SPIDR: variants seen among roughly 807,000 people sequenced by gnomAD.
SPIDR encodes the protein DNA repair-scaffolding protein.
SPIDR carries 93 observed loss-of-function variants against 104.6 expected under a neutral mutation model. The ratio of observed to expected loss-of-function variants is 0.89; its 90% CI spans 0.75 to 1.06. The LOEUF (loss-of-function observed/expected upper bound fraction) is 1.06. Among genes scored for constraint, SPIDR ranks in the 50% least tolerant of loss-of-function variants. The pLI, the probability that SPIDR is intolerant of heterozygous loss-of-function variation, is 0.00. For synonymous variants in SPIDR, 431 were observed against 416.9 expected (o/e 1.03, Z -0.41); for missense variants, 1,154 against 1,111.2 (o/e 1.04, Z -0.55).
intron 10 of SPIDR, among the ~76,000 whole-genome samples, chr8:47,647,871 T>C (rs73569205): frequency 0.018 from 2,758 of 152,132 alleles, 85 homozygotes; most frequent in African/African-American, 0.064. Context: ...GATCTGGTAC[T>C]TGAGGATGCA....
intron 5 of SPIDR, among the ~76,000 whole-genome samples, chr8:47,387,307 A>G (rs373863839): frequency 6.6e-6 from 1 of 152,234 alleles, no homozygotes; most frequent in South Asian, 2.1e-4. Context: ...GGGGCATTGA[A>G]TGGCATCCTA....
chr8:47,475,576 A>G (rs534784647), intron 8 of SPIDR, among the ~76,000 whole-genome samples: 1 of 152,356 alleles, frequency 6.6e-6, no homozygotes, highest in East Asian at 1.9e-4. Flanking sequence ...TCTTTAGGTA[A>G]TGGGTAGCCT....
chr8:47,627,169 A>T (rs1040771838), intron 10 of SPIDR, among the ~76,000 whole-genome samples: 1 of 152,198 alleles, frequency 6.6e-6, no homozygotes, highest in Non-Finnish European at 1.5e-5. Flanking sequence ...GTTCTCACTC[A>T]TAGGTGGGAA....
At chr8:47,472,844 G>T (rs1375796071) in intron 8 of SPIDR, among the ~76,000 whole-genome samples, 22 of 152,218 alleles carry the variant, frequency 1.4e-4, no homozygotes, top group Admixed American at 1.4e-3. Flanking sequence ...TGAATGGAAT[G>T]CTTCATATCT....
chr8:47,627,235 T>C (rs1588556997), intron 10 of SPIDR, among the ~76,000 whole-genome samples: 1 of 152,002 alleles, frequency 6.6e-6, no homozygotes, highest in East Asian at 1.9e-4. Context: ...CTGGGGACTG[T>C]TGTGGGGTGG....
At chr8:47,264,348 A>C (rs2033370663) in intron 1 of SPIDR, among the ~76,000 whole-genome samples, 1 of 152,142 alleles carries the variant, frequency 6.6e-6, no homozygotes. Flanking sequence ...TTTGCCTCTT[A>C]ACTGATGTTA....
At chr8:47,442,960 T>C (rs1001311252) in intron 8 of SPIDR, among the ~76,000 whole-genome samples, 1 of 152,172 alleles carries the variant, frequency 6.6e-6, no homozygotes, top group Admixed American at 6.5e-5. Context: ...ATTTATTAAA[T>C]GACCTTGTTT....
intron 10 of SPIDR, among the ~76,000 whole-genome samples, chr8:47,617,164 T>C (rs531736949): frequency 6.6e-6 from 1 of 152,346 alleles, no homozygotes; most frequent in South Asian, 2.1e-4. Flanking sequence ...GCATTAATCA[T>C]AGTTGCTGGC....
At chr8:47,536,480 T>C (rs1295178594) in intron 8 of SPIDR, among the ~76,000 whole-genome samples, 3 of 152,088 alleles carry the variant, frequency 2.0e-5, no homozygotes, top group Non-Finnish European at 4.4e-5. Context: ...ATAAATATAG[T>C]CAACTGATCT....
intron 10 of SPIDR, among the ~76,000 whole-genome samples, chr8:47,666,788 G>A (rs1444195433): frequency 1.3e-5 from 2 of 151,998 alleles, no homozygotes; most frequent in African/African-American, 4.8e-5. Flanking sequence ...TACAATGAAT[G>A]CAATAAGAGT....
rs184519193 is a variant in SPIDR, at chr8:47,624,711, C to T, written c.1544+25515C>T. 2.6e-3 allele frequency among the ~76,000 whole-genome samples: 401 copies of T among 152,266 alleles called. 7 individuals carry two copies. The highest frequency in any genetic ancestry group is 0.024 in the Admixed American group (369 of 15,282). On this transcript the variant is annotated intron_variant, in intron 10 of 19. Transcript: ENST00000297423. Reference sequence around the variant, plus strand: ...GGAAGAAGTTGAATCTCTGAATAGACCAATAACAGGCTCTGAAATTGAGGC... The same window carrying T: ...GGAAGAAGTTGAATCTCTGAATAGATCAATAACAGGCTCTGAAATTGAGGC...
At chr8:47,660,894 T>C in intron 10 of SPIDR, 2 of 963,806 alleles carry the variant, frequency 2.1e-6, no homozygotes, top group Non-Finnish European at 2.5e-6. Flanking sequence ...ACTGCATGTG[T>C]AACAATGCGC....
At chr8:47,561,323 A>T (rs1231059795) in intron 8 of SPIDR, among the ~76,000 whole-genome samples, 1 of 152,140 alleles carries the variant, frequency 6.6e-6, no homozygotes, top group Non-Finnish European at 1.5e-5. Context: ...CTCCAAGCAG[A>T]ACTGATTTAA....
Position 47,300,542 on chromosome 8 carries a change from G to T in SPIDR, c.525+6512G>T, listed in dbSNP as rs1554576536. On this transcript the variant is annotated intron_variant, in intron 5 of 19. Transcript: ENST00000297423. ...CCAGTTCTTTTAATTGGGATGTTAGGGTGTCAATTTTAGATCTTTCCTGCT... is the reference window on the plus strand; with the variant it reads ...CCAGTTCTTTTAATTGGGATGTTAGTGTGTCAATTTTAGATCTTTCCTGCT... 3.1e-3 allele frequency among the ~76,000 whole-genome samples: 479 copies of T among 152,090 alleles called. 1 individual carries two copies. Among genetic ancestry groups the T allele is most frequent in the Non-Finnish European group, 5.1e-3 (349 of 67,992 alleles).
intron 3 of SPIDR, among the ~76,000 whole-genome samples, chr8:47,287,915 T>A (rs1326202598): frequency 6.6e-6 from 1 of 152,170 alleles, no homozygotes; most frequent in Non-Finnish European, 1.5e-5. Context: ...AAAAGTATTA[T>A]TTGGGGAATG....
chr8:47,722,946 C>T (rs996543030), intron 16 of SPIDR, among the ~76,000 whole-genome samples: 1 of 152,132 alleles, frequency 6.6e-6, no homozygotes, highest in Non-Finnish European at 1.5e-5. Flanking sequence ...TAAAGCAATA[C>T]TCCCACGTCA....
chr8:47,277,759 C>A (rs1340641814), intron 1 of SPIDR, among the ~76,000 whole-genome samples: 1 of 150,534 alleles, frequency 6.6e-6, no homozygotes, highest in Non-Finnish European at 1.5e-5. Flanking sequence ...ACTGCAACCT[C>A]CGCCTCCTGG....
chr8:47,578,698 CATTT>C (rs1203324832), intron 8 of SPIDR, among the ~76,000 whole-genome samples: 2 of 152,056 alleles, frequency 1.3e-5, no homozygotes, highest in African/African-American at 2.4e-5. Context: ...GAAAAAAATG[CATTT>C]ATTTACTATA....
intron 8 of SPIDR, among the ~76,000 whole-genome samples, chr8:47,473,021 C>T (rs1554721894): frequency 6.6e-6 from 1 of 152,164 alleles, no homozygotes; most frequent in Non-Finnish European, 1.5e-5. Flanking sequence ...GTACAACCTG[C>T]GATTGCCTGG....
Sources: allele counts gnomAD v4.1 joint callset (sites outside exome capture counted in the v4.1 genomes callset), GRCh38; gene constraint gnomAD v4.1.1; transcripts MANE v1.5; gene names NCBI Gene and HGNC (gene_info 2026-07-23, HGNC 2026-07-21).